Variants in TRAPPC8 observed in about 807,000 individuals in gnomAD.
TRAPPC8 encodes general sporulation gene 1 homolog.
In TRAPPC8, 54 loss-of-function variants were observed where a neutral mutation model predicts 174.3. That is an observed-to-expected ratio of 0.31 (90% confidence interval 0.25 to 0.39). TRAPPC8 has a LOEUF of 0.39. Among genes scored for constraint, TRAPPC8 ranks in the 10% least tolerant of loss-of-function variants. The pLI, the probability that TRAPPC8 is intolerant of heterozygous loss-of-function variation, is 1.00. For missense variants in TRAPPC8, 1,531 were observed against 1,699.1 expected (o/e 0.90, Z 1.74); for synonymous variants, 630 against 579.9 (o/e 1.09, Z -1.24).
chr18:31,902,039 G>A (rs1408615633), intron 9 of TRAPPC8, among the ~76,000 whole-genome samples: 1 of 152,212 alleles, frequency 6.6e-6, no homozygotes, highest in Non-Finnish European at 1.5e-5. Flanking sequence ...AACTGGCCGG[G>A]TGTGGTGACG....
intron 1 of TRAPPC8, 139 bp downstream of exon 1, chr18:31,942,469 C>T: frequency 8.5e-7 from 1 of 1,179,328 alleles, no homozygotes; most frequent in Non-Finnish European, 1.1e-6. Context: ...CCCGGAGCAC[C>T]GCGGGGCCAC....
chr18:31,834,104 G>GTTGTTGTTT (rs1555652348), intron 27 of TRAPPC8, among the ~76,000 whole-genome samples: 3 of 151,094 alleles, frequency 2.0e-5, no homozygotes, highest in African/African-American at 7.3e-5. Context: ...TGTTGTTGTT[G>GTTGTTGTTT]TTGTTGTTGT....
At chr18:31,833,039 C>T (rs1290047800) in intron 27 of TRAPPC8, among the ~76,000 whole-genome samples, 2 of 152,128 alleles carry the variant, frequency 1.3e-5, no homozygotes, top group Non-Finnish European at 2.9e-5. Context: ...TTTCCCTAAA[C>T]AAAAACTAAG....
chr18:31,880,110 TATATATATATA>T (rs1334101560), intron 12 of TRAPPC8, among the ~76,000 whole-genome samples: 4 of 91,910 alleles, frequency 4.4e-5, no homozygotes, highest in Non-Finnish European at 6.8e-5. Context: ...TATATATATA[TATATATATATA>T]TTTTTTTTTT....
chr18:31,908,241 C>T (rs1038372689), intron 8 of TRAPPC8, 62 bp downstream of exon 8: 8 of 972,138 alleles, frequency 8.2e-6, no homozygotes, highest in Non-Finnish European at 1.0e-5. Context: ...GCAGGATATA[C>T]AATCAAACAC....
intron 21 of TRAPPC8, 86 bp downstream of exon 21, chr18:31,855,574 G>T: frequency 1.7e-6 from 2 of 1,200,378 alleles, no homozygotes; most frequent in Non-Finnish European, 2.3e-6. Flanking sequence ...ATGCTGTCTT[G>T]TAAAGGAAAA....
intron 27 of TRAPPC8, among the ~76,000 whole-genome samples, chr18:31,837,059 G>A (rs2032789698): frequency 6.6e-6 from 1 of 152,064 alleles, no homozygotes; most frequent in East Asian, 1.9e-4. Context: ...ACCGCGCCCG[G>A]CCCATCCTTC....
intron 11 of TRAPPC8, among the ~76,000 whole-genome samples, chr18:31,892,828 C>G (rs1369231013): frequency 1.3e-5 from 2 of 151,896 alleles, no homozygotes; most frequent in African/African-American, 4.8e-5. Context: ...CGTTCAAGAC[C>G]AGCCTGGGCA....
chr18:31,867,370 G>A, intron 17 of TRAPPC8, 32 bp downstream of exon 17: 1 of 1,424,762 alleles, frequency 7.0e-7, no homozygotes, highest in South Asian at 1.2e-5. Flanking sequence ...CTTTCAGAAA[G>A]GCATAAAGCA....
At chr18:31,879,886 A>G (rs950933729) in intron 12 of TRAPPC8, among the ~76,000 whole-genome samples, 12 of 151,360 alleles carry the variant, frequency 7.9e-5, no homozygotes, top group African/African-American at 2.9e-4. Context: ...TAATTCCCAG[A>G]ATCATACAAT....
chr18:31,877,467 C>T (rs1031539786), intron 12 of TRAPPC8, among the ~76,000 whole-genome samples: 5 of 151,036 alleles, frequency 3.3e-5, no homozygotes, highest in African/African-American at 1.2e-4. Flanking sequence ...AAAACATTAC[C>T]GGGGTGAGGT....
intron 9 of TRAPPC8, among the ~76,000 whole-genome samples, chr18:31,906,305 A>G (rs75850349): frequency 2.3e-4 from 30 of 131,942 alleles, no homozygotes; most frequent in Admixed American, 2.0e-3. Flanking sequence ...TGTCTCCAGG[A>G]AAAAAAAAAA....
intron 9 of TRAPPC8, among the ~76,000 whole-genome samples, chr18:31,906,325 T>C (rs371880510): frequency 7.0e-6 from 1 of 143,138 alleles, no homozygotes; most frequent in Non-Finnish European, 1.5e-5. Context: ...AAAAAAAAAG[T>C]GGGCTGACTT....
chr18:31,872,546 A>G (rs1266011517), intron 14 of TRAPPC8, among the ~76,000 whole-genome samples: 1 of 152,010 alleles, frequency 6.6e-6, no homozygotes, highest in East Asian at 1.9e-4. Flanking sequence ...CAGCCTCCCG[A>G]GTAGCTGGGA....
At chr18:31,871,209 A>AT (rs2034842727) in intron 14 of TRAPPC8, 89 bp from the exon 15 acceptor site, 3 of 656,466 alleles carry the variant, frequency 4.6e-6, no homozygotes, top group Non-Finnish European at 7.1e-6. Flanking sequence ...GAAATAAAAA[A>AT]ATATATATAT....
intron 27 of TRAPPC8, among the ~76,000 whole-genome samples, chr18:31,832,978 A>G (rs940538425): frequency 8.0e-5 from 12 of 150,648 alleles, no homozygotes; most frequent in East Asian, 1.9e-4. Context: ...CAGAAACTTT[A>G]TATCTTCTTA....
chr18:31,829,272 C>T lies in TRAPPC8; in HGVS notation c.*1483G>A, dbSNP rs1568020528. On this transcript the variant is annotated 3_prime_UTR_variant, in exon 29 of 29. Coordinates refer to ENST00000283351, the MANE Select transcript of TRAPPC8 (RefSeq NM_014939.5). ...TATAGTTTAATTTTTTTATTAGTGT[C>T]TGTTTAACAATCGGTTCAATTTAAT... is the stretch of plus-strand genomic sequence containing the variant. The T allele has an allele frequency of 6.6e-6, 1 of 152,114 alleles. No individual in the cohort carries two copies. The highest frequency in any genetic ancestry group is 1.5e-5 in the Non-Finnish European group (1 of 68,030). The allele number at this position is 152,114 out of a possible 1,614,324, so 9.4% of individuals were successfully genotyped here.
intron 2 of TRAPPC8, among the ~76,000 whole-genome samples, chr18:31,919,217 T>C (rs900468243): frequency 1.3e-5 from 2 of 152,168 alleles, no homozygotes; most frequent in Non-Finnish European, 2.9e-5. Context: ...GGGCAGGGCA[T>C]GGCGTTTCAC....
rs2033601692 is a variant in TRAPPC8 at position 31,849,634 on chromosome 18, T to C, written c.3667A>G (p.Thr1223Ala). Reference sequence around the variant, plus strand: ...TGAATCAATCTCACAGCATCCTCTGTTGACTGTTTTTCTGTATGCACAGGC... The same window carrying C: ...TGAATCAATCTCACAGCATCCTCTGCTGACTGTTTTTCTGTATGCACAGGC... ...HLPVHTEKQS[T>A]EDAVRLIQKC... The change falls in exon 25 of 29, where the codon ACA (threonine) becomes GCA (alanine). Residue 1223 changes from threonine to alanine, a missense_variant. By Grantham distance (58) the Thr-to-Ala change is moderately conservative (BLOSUM62 0). Coordinates refer to ENST00000283351, the MANE Select transcript of TRAPPC8 (RefSeq NM_014939.5). 1 of 1,613,318 alleles carries C rather than the reference T, an allele frequency of 6.2e-7. No individual in the cohort carries two copies. The highest frequency in any genetic ancestry group is 8.5e-7 in the Non-Finnish European group (1 of 1,179,722).
Sources: allele counts gnomAD v4.1 joint callset (sites outside exome capture counted in the v4.1 genomes callset), GRCh38; gene constraint gnomAD v4.1.1; transcripts MANE v1.5; gene names NCBI Gene and HGNC (gene_info 2026-07-23, HGNC 2026-07-21).